JAKMIP1: variants seen among roughly 807,000 people sequenced by gnomAD.
JAKMIP1 encodes the protein janus kinase and microtubule interacting protein 1, also known as janus kinase and microtubule-interacting protein 1.
Under a neutral mutation model 113.0 loss-of-function variants are expected in JAKMIP1, and 33 were observed. That is an observed-to-expected ratio of 0.29 (90% CI 0.22 to 0.39). The LOEUF (loss-of-function observed/expected upper bound fraction) is 0.39, where lower values mean the gene tolerates loss of function less well. Among genes scored for constraint, JAKMIP1 ranks in the 10% least tolerant of loss-of-function variants. The pLI is 1.00. For missense variants in JAKMIP1, 813 were observed against 1,080.5 expected (o/e 0.75, Z 3.47); for synonymous variants, 480 against 459.9 (o/e 1.04, Z -0.56).
chr4:6,085,087 C>T (rs1409596513), intron 4 of JAKMIP1, 122 bp from the exon 5 acceptor site: 7 of 1,210,858 alleles, frequency 5.8e-6, no homozygotes, highest in Non-Finnish European at 6.7e-6. Context: ...CAGGGGCCCA[C>T]ATGCCACACA....
chr4:6,124,061 G>A (rs757726713), intron 1 of JAKMIP1, among the ~76,000 whole-genome samples: 7 of 152,302 alleles, frequency 4.6e-5, no homozygotes, highest in Middle Eastern at 6.8e-3. Context: ...GAGAGGACCC[G>A]GAATGAGGAG....
At position 6,069,709 on chromosome 4, in the gene JAKMIP1, T is replaced by A. The variant is rs939264052; in HGVS notation, c.1303-4701A>T. ...TTGGGGCTGCAGTGAGCTGTGATTG[T>A]GCCTCTGCACTCCAGCCTGGGTGAC... On this transcript the variant is annotated intron_variant, in intron 8 of 20. Transcript: ENST00000409021. This position sits in a 1 kb window ranked among gnomAD's most constrained non-coding sequence, Gnocchi z 4.5. 6.7e-6 allele frequency among the ~76,000 whole-genome samples: 1 copy of A among 150,300 alleles called. No homozygotes were observed. Among genetic ancestry groups the A allele is most frequent in the African/African-American group, 2.5e-5 (1 of 40,396 alleles).
At position 6,045,464 on chromosome 4, in the gene JAKMIP1, C is replaced by T. The variant is rs541878000; in HGVS notation, c.2029-3237G>A. ...GTGTCCTGATGACTGGGCAGGGCCT[C>T]AGTGGGCGGAGATGAGGAAAGCATG... On this transcript the variant is annotated intron_variant, in intron 16 of 20. Coordinates refer to ENST00000409021, the MANE Select transcript of JAKMIP1 (RefSeq NM_001099433.2). Among the ~76,000 whole-genome samples, 9 of 152,290 alleles carry T rather than the reference C, an allele frequency of 5.9e-5. No individual in the cohort carries two copies. In the South Asian group the frequency reaches 1.9e-3, roughly 32 times the overall value.
chr4:6,170,719 C>T lies in JAKMIP1; in HGVS notation c.-148+29534G>A, dbSNP rs562535704. Among the ~76,000 whole-genome samples the T allele has an allele frequency of 4.1e-4, 32 of 77,886 alleles. 1 individual carries two copies. Among genetic ancestry groups the T allele is most frequent in the African/African-American group, 1.1e-3 (32 of 28,014 alleles). The allele number at this position is 77,886 out of a possible 152,430, so 51.1% of individuals were successfully genotyped here. Reference sequence around the variant, plus strand: ...CCTTAACACCATCACCACCACCATCCCCATCCCCATCACCACCCTTGCCAC... The same window carrying T: ...CCTTAACACCATCACCACCACCATCTCCATCCCCATCACCACCCTTGCCAC... On this transcript the variant is annotated intron_variant, in intron 1 of 20. Coordinates refer to ENST00000409021, the MANE Select transcript of JAKMIP1 (RefSeq NM_001099433.2).
At position 6,150,289 on chromosome 4, in the gene JAKMIP1, C is replaced by T. The variant is rs1299156718; in HGVS notation, c.-147-37292G>A. The T allele has an allele frequency of 6.6e-6, 1 of 152,238 alleles. No individual in the cohort carries two copies. Among genetic ancestry groups the T allele is most frequent in the Non-Finnish European group, 1.5e-5 (1 of 68,096 alleles). The allele number at this position is 152,238 out of a possible 1,614,324, so 9.4% of individuals were successfully genotyped here. A position where few individuals can be genotyped will look rare whatever the true frequency, so the allele number is the denominator to read the frequency against. Reference sequence around the variant, plus strand: ...CTTTGAAGGAGGTGCCAGCTTCCCTCCCACCCAACCTCCCAGTACAGAGAA... The same window carrying T: ...CTTTGAAGGAGGTGCCAGCTTCCCTTCCACCCAACCTCCCAGTACAGAGAA... On this transcript the variant is annotated intron_variant, in intron 1 of 20. Transcript: ENST00000409021. This position sits in a 1 kb window ranked among gnomAD's most constrained non-coding sequence, Gnocchi z 4.8.
chr4:6,099,337 GTC>G (rs1712615326), intron 3 of JAKMIP1, among the ~76,000 whole-genome samples: 1 of 151,940 alleles, frequency 6.6e-6, no homozygotes, highest in African/African-American at 2.4e-5. Context: ...GATTTCTTTA[GTC>G]TCTCATTTTA....
chr4:6,032,865 G>A (rs1253112426), intron 19 of JAKMIP1, among the ~76,000 whole-genome samples: 8 of 152,124 alleles, frequency 5.3e-5, no homozygotes, highest in East Asian at 1.9e-4. Flanking sequence ...AGCGGGAGGC[G>A]GGGGTGCTGT....
rs1169484493 is a variant in JAKMIP1, at chr4:6,199,714, G to T, written c.-148+539C>A. 6.6e-6 allele frequency among the ~76,000 whole-genome samples: 1 copy of T among 151,548 alleles called. No homozygotes were observed. The highest frequency in any genetic ancestry group is 6.6e-5 in the Admixed American group (1 of 15,204). On this transcript the variant is annotated intron_variant, in intron 1 of 20. Coordinates refer to ENST00000409021, the MANE Select transcript of JAKMIP1 (RefSeq NM_001099433.2). This position sits in a 1 kb window ranked among gnomAD's most constrained non-coding sequence, Gnocchi z 5.6. ...CGTGGGGTGGGGTGCGGGCTGGGCGGCCTCGCCTTCGGGCCCCGCGCCGCC... is the reference window on the plus strand; with the variant it reads ...CGTGGGGTGGGGTGCGGGCTGGGCGTCCTCGCCTTCGGGCCCCGCGCCGCC...
intron 3 of JAKMIP1, among the ~76,000 whole-genome samples, chr4:6,095,357 A>G (rs1249563217): frequency 3.3e-5 from 5 of 151,964 alleles, no homozygotes; most frequent in Non-Finnish European, 7.4e-5. Context: ...AGGGAGGAAG[A>G]AAGGAAAGAA....
At chr4:6,039,616 G>A (rs774326573) in intron 18 of JAKMIP1, among the ~76,000 whole-genome samples, 1 of 152,130 alleles carries the variant, frequency 6.6e-6, no homozygotes, top group Non-Finnish European at 1.5e-5. Context: ...CTGAAATGTC[G>A]TGTAACCAGA....
In JAKMIP1 at chr4:6,048,500, C is replaced by T. The variant is rs138435017; in HGVS notation, c.2028+357G>A. 5.6e-3 allele frequency among the ~76,000 whole-genome samples: 846 copies of T among 152,270 alleles called. 2 individuals carry two copies. The highest frequency in any genetic ancestry group is 9.3e-3 in the Non-Finnish European group (632 of 68,032). ...ACAGCCATTTAAACACGTTTATGAA[C>T]CATGTTAAATGGTATGGAGGATGTT... On this transcript the variant is annotated intron_variant, in intron 16 of 20. Coordinates refer to ENST00000409021, the MANE Select transcript of JAKMIP1 (RefSeq NM_001099433.2).
chr4:6,047,188 C>T (rs1057067300), intron 16 of JAKMIP1, among the ~76,000 whole-genome samples: 3 of 152,210 alleles, frequency 2.0e-5, no homozygotes, highest in Admixed American at 1.3e-4. Flanking sequence ...GTAGCCAAGA[C>T]GCAAGCCAGG....
At chr4:6,170,513 CCAT>C (rs1434403680) in intron 1 of JAKMIP1, among the ~76,000 whole-genome samples, 7 of 149,818 alleles carry the variant, frequency 4.7e-5, no homozygotes, top group East Asian at 2.0e-4. Flanking sequence ...ATCACCACCA[CCAT>C]CACCACCATT....
rs965534329 is a variant in JAKMIP1, at chr4:6,150,614, G to A, written c.-147-37617C>T. On this transcript the variant is annotated intron_variant, in intron 1 of 20. Coordinates refer to ENST00000409021, the MANE Select transcript of JAKMIP1 (RefSeq NM_001099433.2). The surrounding 1 kb of genome is among the most constrained non-coding windows in gnomAD (Gnocchi z 4.8). ...CTCCTGACCTTCATGAACAGACCACGGGGCCGGCAGCACCTGCATCAGCGT... is the reference window on the plus strand; with the variant it reads ...CTCCTGACCTTCATGAACAGACCACAGGGCCGGCAGCACCTGCATCAGCGT... The A allele has an allele frequency of 2.6e-5, 4 of 152,184 alleles. No individual in the cohort carries two copies. Among genetic ancestry groups the A allele is most frequent in the Admixed American group, 2.0e-4 (3 of 15,284 alleles). 9.4% of individuals were successfully genotyped at this position (152,184 alleles called of 1,614,324 possible).
intron 3 of JAKMIP1, among the ~76,000 whole-genome samples, chr4:6,098,643 A>AGAAAG (rs201641461): frequency 1.4e-5 from 2 of 138,506 alleles, no homozygotes; most frequent in African/African-American, 6.0e-5. Flanking sequence ...AAGAAAAGAA[A>AGAAAG]GAAAGGAAAG....
intron 5 of JAKMIP1, among the ~76,000 whole-genome samples, chr4:6,082,373 C>T (rs969343876): frequency 8.7e-5 from 13 of 149,060 alleles, no homozygotes; most frequent in African/African-American, 2.8e-4. Context: ...AAACCTACCG[C>T]CCCCCCAAAA....
intron 18 of JAKMIP1, among the ~76,000 whole-genome samples, chr4:6,038,988 C>A (rs1713947903): frequency 6.6e-6 from 1 of 152,248 alleles, no homozygotes; most frequent in African/African-American, 2.4e-5. Context: ...GGCCCTGTCA[C>A]CCTCTCAGAG....
At chr4:6,111,472 G>A (rs1714920274) in intron 2 of JAKMIP1, among the ~76,000 whole-genome samples, 1 of 152,222 alleles carries the variant, frequency 6.6e-6, no homozygotes, top group South Asian at 2.1e-4. Context: ...CTGCAGCTGT[G>A]CCTGGGCACC....
rs1325030444 is a variant in JAKMIP1, at chr4:6,185,465, G to A, written c.-148+14788C>T. On this transcript the variant is annotated intron_variant, in intron 1 of 20. Coordinates refer to ENST00000409021, the MANE Select transcript of JAKMIP1 (RefSeq NM_001099433.2). This position sits in a 1 kb window ranked among gnomAD's most constrained non-coding sequence, Gnocchi z 5.3. ...GATCGAGACCATCCTGGCTAACACA[G>A]TGAAACCCCATCTCTACTAAAAAAT... is the stretch of plus-strand genomic sequence containing the variant. 2.0e-5 allele frequency among the ~76,000 whole-genome samples: 3 copies of A among 152,142 alleles called. No individual in the cohort carries two copies. The highest frequency in any genetic ancestry group is 7.2e-5 in the African/African-American group (3 of 41,436).
Sources: gnomAD v4.1 joint callset for allele counts (sites outside exome capture counted in the v4.1 genomes callset) on GRCh38, gnomAD v4.1.1 for gene constraint, Gnocchi (gnomAD v3.1) non-coding constraint, MANE v1.5 for transcripts, NCBI Gene and HGNC (gene_info 2026-07-23, HGNC 2026-07-21) for gene names.